The following COL4A5 variants were observed in gnomAD, a reference collection of about 807,000 sequenced individuals.
COL4A5 encodes the protein collagen type IV alpha 5 chain.
COL4A5 carries 26 observed loss-of-function variants against 130.2 expected under a neutral mutation model. That is an observed-to-expected ratio of 0.20 (90% CI 0.15 to 0.28). The LOEUF is 0.28. Among genes scored for constraint, COL4A5 ranks in the 10% least tolerant of loss-of-function variants. The probability of loss-of-function intolerance (pLI) is 1.00; values close to 1 mark genes in which losing one functional copy is unlikely to be tolerated. For missense variants in COL4A5, 1,131 were observed against 1,344.3 expected, an observed-to-expected ratio of 0.84 and a Z score of 2.48; for synonymous variants, 496 against 439.6, an observed-to-expected ratio of 1.13 and a Z score of -1.60.
chrX:108,678,013 T>C (rs1017926162), intron 44 of COL4A5, among the ~76,000 whole-genome samples: 1 of 111,756 alleles, frequency 8.9e-6, no homozygotes, highest in Non-Finnish European at 1.9e-5. Flanking sequence ...TGAAATTAGA[T>C]AAAGTTAGGG....
At position 108,606,752 on chromosome X, in the gene COL4A5, G is replaced by T. The variant is rs751090147; in HGVS notation, c.2255G>T (p.Gly752Val). 2.2e-5 allele frequency: 27 copies of T among 1,211,574 alleles called. No individual in the cohort carries two copies. Among genetic ancestry groups the T allele is most frequent in the Middle Eastern group, 2.3e-4 (1 of 4,354 alleles). Residue 752 changes from glycine to valine, a missense_variant, in exon 29 of 53, where the codon GGA becomes GTA. Coordinates refer to ENST00000328300, the MANE Select transcript of COL4A5 (RefSeq NM_033380.3). ...ATGTGTATGCTCAAGGGTGAACCAG[G>T]ATTTGCATTACCTGGGCCACCTGGG... ...PGFPGPKGEP[G>V]FALPGPPGPP...
chrX:108,465,118 C>T (rs1384169887), intron 1 of COL4A5, among the ~76,000 whole-genome samples: 1 of 111,690 alleles, frequency 9.0e-6, no homozygotes, highest in Non-Finnish European at 1.9e-5. Flanking sequence ...TATTTGTGTA[C>T]AAGTCATTTT....
chrX:108,538,233 A>G (rs1204118881), intron 1 of COL4A5, among the ~76,000 whole-genome samples: 1 of 112,300 alleles, frequency 8.9e-6, no homozygotes, highest in Non-Finnish European at 1.9e-5. Context: ...TATTCAATTC[A>G]TATTTGATGA....
In COL4A5 at chrX:108,539,798, G is replaced by A; in HGVS notation, c.134G>A (p.Gly45Glu). Residue 45 changes from glycine to glutamate, a missense_variant, in exon 2 of 53, where the codon GGG (glycine) becomes GAG (glutamate). By Grantham distance (98) the Gly-to-Glu change is moderately conservative. Transcript: ENST00000328300. ...AAGTGTGACTGCAGTGGCATAAAAG[G>A]GGAAAAGGTGAGGTCTTAGATTGGC... ...GSKCDCSGIK[G>E]EKGERGFPGL... 2 of 1,202,815 alleles carry A rather than the reference G, an allele frequency of 1.7e-6. No individual in the cohort carries two copies. Among genetic ancestry groups the A allele is most frequent in the Non-Finnish European group, 1.1e-6 (1 of 887,723 alleles).
intron 1 of COL4A5, among the ~76,000 whole-genome samples, chrX:108,450,426 C>A (rs2064497366): frequency 8.9e-6 from 1 of 111,782 alleles, no homozygotes; most frequent in Non-Finnish European, 1.9e-5. Context: ...ACAACTGAGA[C>A]AAACTGTGGT....
intron 2 of COL4A5, among the ~76,000 whole-genome samples, chrX:108,553,485 T>TA (rs1394958210): frequency 4.5e-5 from 5 of 111,704 alleles, no homozygotes; most frequent in Non-Finnish European, 9.4e-5. Flanking sequence ...GGCAAATAGA[T>TA]ACACGAAAAG....
At chrX:108,613,964 C>T (rs1019038764) in intron 29 of COL4A5, among the ~76,000 whole-genome samples, 63 of 111,585 alleles carry the variant, frequency 5.6e-4, no homozygotes, top group African/African-American at 2.0e-3. Context: ...CATAGAAACC[C>T]GTAGAACAGT....
chrX:108,502,158 A>C (rs943259287), intron 1 of COL4A5, among the ~76,000 whole-genome samples: 4 of 112,737 alleles, frequency 3.5e-5, no homozygotes, highest in Non-Finnish European at 7.5e-5. Flanking sequence ...GGTAGCTGGT[A>C]GCAGGCAATA....
chrX:108,506,701 C>G (rs1251198859), intron 1 of COL4A5, among the ~76,000 whole-genome samples: 1 of 111,084 alleles, frequency 9.0e-6, no homozygotes, highest in East Asian at 2.8e-4. Flanking sequence ...GGCCTGGTTC[C>G]TAATGGTACG....
chrX:108,625,662 A>G, intron 34 of COL4A5, 43 bp from the exon 35 acceptor site: 1 of 876,935 alleles, frequency 1.1e-6, no homozygotes, highest in Non-Finnish European at 1.7e-6. Flanking sequence ...GACAACCCCA[A>G]TATTGCTACA....
intron 4 of COL4A5, among the ~76,000 whole-genome samples, chrX:108,566,430 A>T (rs981756740): frequency 2.2e-4 from 24 of 110,977 alleles, no homozygotes; most frequent in African/African-American, 6.9e-4. Flanking sequence ...AAGCTCTTTC[A>T]TGCTCATCCT....
intron 37 of COL4A5, among the ~76,000 whole-genome samples, chrX:108,661,378 T>C (rs1224861461): frequency 1.8e-5 from 2 of 112,000 alleles, no homozygotes; most frequent in African/African-American, 3.2e-5. Flanking sequence ...GATTTTTTGA[T>C]GTGTTCAATA....
intron 1 of COL4A5, among the ~76,000 whole-genome samples, chrX:108,458,051 A>G (rs780756177): frequency 2.0e-4 from 22 of 111,991 alleles, no homozygotes; most frequent in African/African-American, 6.2e-4. Flanking sequence ...TCTTACCTAT[A>G]ATTTTCAGAG....
chrX:108,533,266 G>C (rs751029706), intron 1 of COL4A5, among the ~76,000 whole-genome samples: 1 of 111,620 alleles, frequency 9.0e-6, no homozygotes, highest in African/African-American at 3.2e-5. Flanking sequence ...GCTGACAAGA[G>C]CTTACACTGG....
Position 108,668,312 on chromosome X carries a change from T to A in COL4A5, c.3605-7T>A. The A allele has an allele frequency of 8.3e-7, 1 of 1,208,123 alleles. No individual in the cohort carries two copies. ...ATTTATCTTCTAATTATACTTTACT[T>A]TCATAGGCCAAAAGGGTGATGGAGG... On this transcript the variant is annotated splice_polypyrimidine_tract_variant and splice_region_variant and intron_variant, in intron 40 of 52. Coordinates refer to ENST00000328300, the MANE Select transcript of COL4A5 (RefSeq NM_033380.3).
intron 36 of COL4A5, among the ~76,000 whole-genome samples, chrX:108,642,848 C>CAAAAAA (rs35804797): frequency 2.9e-5 from 1 of 34,681 alleles, no homozygotes; most frequent in South Asian, 1.5e-3. Context: ...TCCCCCTCTC[C>CAAAAAA]AAAAAAAAAA....
At chrX:108,545,693 A>G (rs1267384111) in intron 2 of COL4A5, among the ~76,000 whole-genome samples, 2 of 110,854 alleles carry the variant, frequency 1.8e-5, no homozygotes, top group Non-Finnish European at 3.8e-5. Flanking sequence ...GATTTGTTTA[A>G]TGTTGACAGT....
chrX:108,544,147 T>C (rs756268300), intron 2 of COL4A5, among the ~76,000 whole-genome samples: 1 of 111,947 alleles, frequency 8.9e-6, no homozygotes, highest in South Asian at 3.8e-4. Context: ...AACACTATGT[T>C]GAATAGGAGT....
chrX:108,603,747 G>A (rs2066682901), intron 28 of COL4A5, among the ~76,000 whole-genome samples: 1 of 111,819 alleles, frequency 8.9e-6, no homozygotes, highest in African/African-American at 3.3e-5. Context: ...ATGTGGTGCT[G>A]TTTGATGGTA....
Sources: gnomAD v4.1 joint callset for allele counts (sites outside exome capture counted in the v4.1 genomes callset) on GRCh38, gnomAD v4.1.1 for gene constraint, MANE v1.5 for transcripts, NCBI Gene and HGNC (gene_info 2026-07-23, HGNC 2026-07-21) for gene names.